The following POU6F2 variants were observed in gnomAD, a reference collection of about 807,000 sequenced individuals.
POU6F2 encodes POU domain, class 6, transcription factor 2.
Under a neutral mutation model 71.3 loss-of-function variants are expected in POU6F2, and 31 were observed. The ratio of observed to expected loss-of-function variants is 0.43; its 90% CI spans 0.33 to 0.59. POU6F2 has a LOEUF of 0.59. POU6F2 is among the 20% of genes least tolerant of loss of function. The pLI is 0.04. For missense variants in POU6F2, 783 were observed against 856.8 expected, an observed-to-expected ratio of 0.91 and a Z score of 1.07; for synonymous variants, 347 against 355.7, an observed-to-expected ratio of 0.98 and a Z score of 0.27.
intron 5 of POU6F2, among the ~76,000 whole-genome samples, chr7:39,362,355 C>T (rs1786407335): frequency 6.6e-6 from 1 of 151,490 alleles, no homozygotes; most frequent in Non-Finnish European, 1.5e-5. Flanking sequence ...TTGAGTAGCC[C>T]AAAAAGAACC....
At chr7:39,186,904 A>G (rs1793551868) in intron 2 of POU6F2, among the ~76,000 whole-genome samples, 1 of 152,192 alleles carries the variant, frequency 6.6e-6, no homozygotes, top group Admixed American at 6.5e-5. Context: ...GTATCTTGTC[A>G]GATCAAACAG....
At chr7:39,330,724 G>A (rs188692650) in intron 4 of POU6F2, among the ~76,000 whole-genome samples, 102 of 152,258 alleles carry the variant, frequency 6.7e-4, no homozygotes, top group African/African-American at 2.3e-3. Context: ...CATTGAAATT[G>A]TACATATTTG....
chr7:39,417,043 A>G (rs761608248), intron 6 of POU6F2, among the ~76,000 whole-genome samples: 11 of 152,192 alleles, frequency 7.2e-5, no homozygotes, highest in Non-Finnish European at 1.5e-4. Context: ...TGATTTGAGT[A>G]GAAGGAGGGT....
At chr7:39,296,479 C>T (rs547393594) in intron 4 of POU6F2, among the ~76,000 whole-genome samples, 4 of 152,218 alleles carry the variant, frequency 2.6e-5, no homozygotes, top group Non-Finnish European at 4.4e-5. Context: ...CTGCAACCAG[C>T]GTGATCTTCT....
intron 4 of POU6F2, among the ~76,000 whole-genome samples, chr7:39,296,270 TA>T (rs1480207318): frequency 6.6e-6 from 1 of 152,224 alleles, no homozygotes; most frequent in Non-Finnish European, 1.5e-5. Context: ...ATGAGAACTC[TA>T]AAACTAATTA....
chr7:39,195,798 A>C (rs1382698562), intron 2 of POU6F2, among the ~76,000 whole-genome samples: 14 of 152,126 alleles, frequency 9.2e-5, no homozygotes. Flanking sequence ...GATCTTGCAA[A>C]AAGAACTACA....
At chr7:39,041,104 T>C (rs1184130096) in intron 1 of POU6F2, among the ~76,000 whole-genome samples, 1 of 151,928 alleles carries the variant, frequency 6.6e-6, no homozygotes, top group African/African-American at 2.4e-5. Context: ...ACCAGTGGTG[T>C]GTACTGTATG....
chr7:39,063,432 A>G (rs917622117), intron 1 of POU6F2, among the ~76,000 whole-genome samples: 7 of 152,210 alleles, frequency 4.6e-5, no homozygotes, highest in Non-Finnish European at 8.8e-5. Flanking sequence ...AATTCACATT[A>G]GAAGATGAAA....
intron 4 of POU6F2, among the ~76,000 whole-genome samples, chr7:39,277,193 C>G (rs1209064826): frequency 6.6e-6 from 1 of 152,172 alleles, no homozygotes; most frequent in Admixed American, 6.5e-5. Context: ...AGTTCTCTGG[C>G]TCTTAAATCC....
intron 1 of POU6F2, among the ~76,000 whole-genome samples, chr7:39,018,390 G>T (rs1356709355): frequency 2.6e-5 from 4 of 152,068 alleles, no homozygotes; most frequent in Non-Finnish European, 5.9e-5. Flanking sequence ...GATTGGTTGT[G>T]CCGGAAGCCA....
intron 2 of POU6F2, among the ~76,000 whole-genome samples, chr7:39,158,505 C>T (rs1214157376): frequency 6.6e-6 from 1 of 152,122 alleles, no homozygotes; most frequent in Non-Finnish European, 1.5e-5. Flanking sequence ...TATGGGCCAT[C>T]TGCAAGCGGG....
At chr7:39,193,498 C>T (rs1793713337) in intron 2 of POU6F2, among the ~76,000 whole-genome samples, 1 of 152,114 alleles carries the variant, frequency 6.6e-6, no homozygotes. Flanking sequence ...GTAGTGTAGT[C>T]TTGAAGTCAA....
chr7:39,381,185 C>T (rs928811864), intron 5 of POU6F2, among the ~76,000 whole-genome samples: 1 of 152,144 alleles, frequency 6.6e-6, no homozygotes, highest in East Asian at 1.9e-4. Context: ...CTGCCTCAGC[C>T]ACCTGAGTAG....
At chr7:39,376,789 G>C (rs2115775958) in intron 5 of POU6F2, among the ~76,000 whole-genome samples, 1 of 151,958 alleles carries the variant, frequency 6.6e-6, no homozygotes, top group South Asian at 2.1e-4. Context: ...TTAAATATAT[G>C]AGTATCTGTG....
At chr7:39,449,437 T>C (rs1441650457) in intron 7 of POU6F2, among the ~76,000 whole-genome samples, 2 of 152,210 alleles carry the variant, frequency 1.3e-5, no homozygotes, top group African/African-American at 4.8e-5. Context: ...TTAAAAAGCA[T>C]GATGATCCTA....
chr7:39,127,410 C>G (rs1221813220), intron 2 of POU6F2, among the ~76,000 whole-genome samples: 1 of 152,140 alleles, frequency 6.6e-6, no homozygotes, highest in African/African-American at 2.4e-5. Flanking sequence ...AAGCAATATT[C>G]AAAGTGTATC....
intron 4 of POU6F2, among the ~76,000 whole-genome samples, chr7:39,241,731 A>AT (rs905281255): frequency 1.3e-5 from 2 of 152,046 alleles, no homozygotes; most frequent in Admixed American, 6.6e-5. Flanking sequence ...AATGGGAAGT[A>AT]TTTTTTTAGT....
chr7:39,277,622 A>G (rs530236452), intron 4 of POU6F2, among the ~76,000 whole-genome samples: 1 of 152,316 alleles, frequency 6.6e-6, no homozygotes, highest in East Asian at 1.9e-4. Context: ...GTCATCATCA[A>G]TTGAGCGGGG....
At chr7:39,176,093 A>G (rs1277770960) in intron 2 of POU6F2, among the ~76,000 whole-genome samples, 2 of 152,006 alleles carry the variant, frequency 1.3e-5, no homozygotes, top group African/African-American at 4.8e-5. Context: ...AAGTGCTTTT[A>G]TTGGCCAGCA....
Sources: allele counts gnomAD v4.1 joint callset (sites outside exome capture counted in the v4.1 genomes callset), GRCh38; gene constraint gnomAD v4.1.1; transcripts MANE v1.5; gene names NCBI Gene and HGNC (gene_info 2026-07-23, HGNC 2026-07-21).